CSMD3: variants seen among roughly 807,000 people sequenced by gnomAD.
The protein encoded by CSMD3 is CUB and sushi domain-containing protein 3.
In CSMD3, 177 loss-of-function variants were observed where a neutral mutation model predicts 435.2. The observed-to-expected ratio is 0.41, with a 90% CI of 0.36 to 0.46. CSMD3 has a LOEUF of 0.46. Among genes scored for constraint, CSMD3 ranks in the 20% least tolerant of loss-of-function variants. The pLI, the probability that CSMD3 is intolerant of heterozygous loss-of-function variation, is 0.34. For missense variants in CSMD3, 4,265 were observed against 4,504.6 expected (o/e 0.95, Z 1.52); for synonymous variants, 1,656 against 1,520.5 (o/e 1.09, Z -2.07).
At chr8:112,835,737 T>A (rs1308292008) in intron 11 of CSMD3, among the ~76,000 whole-genome samples, 3 of 151,900 alleles carry the variant, frequency 2.0e-5, no homozygotes, top group Non-Finnish European at 4.4e-5. Flanking sequence ...GGTTGTAATA[T>A]GTAGTGGCAC....
intron 27 of CSMD3, among the ~76,000 whole-genome samples, chr8:112,522,143 T>G (rs1824355414): frequency 1.3e-5 from 2 of 151,794 alleles, no homozygotes; most frequent in Non-Finnish European, 3.0e-5. Flanking sequence ...ATTTTTACTT[T>G]CAAAATAGAA....
chr8:112,948,760 A>T (rs2130802744), intron 8 of CSMD3, among the ~76,000 whole-genome samples: 1 of 152,096 alleles, frequency 6.6e-6, no homozygotes, highest in East Asian at 1.9e-4. Context: ...GAGAAAAAAA[A>T]TCTAAACCAT....
Position 112,794,223 on chromosome 8 carries a change from A to C in CSMD3, c.1972+5939T>G, listed in dbSNP as rs536476968. ...AATCACCCTTAGAATTTACCACCTT[A>C]GAAAAAATATTTTCTTTTACCCAGA... On this transcript the variant is annotated intron_variant, in intron 13 of 70. Transcript: ENST00000297405. 8.4e-4 allele frequency among the ~76,000 whole-genome samples: 128 copies of C among 151,828 alleles called. 1 individual carries two copies. Among genetic ancestry groups the C allele is most frequent in the Non-Finnish European group, 4.1e-4 (28 of 67,924 alleles).
chr8:112,560,226 G>T (rs1828496569), intron 24 of CSMD3, among the ~76,000 whole-genome samples: 1 of 151,734 alleles, frequency 6.6e-6, no homozygotes, highest in South Asian at 2.1e-4. Flanking sequence ...AACATTAGGA[G>T]TCTTTCCTAG....
chr8:112,625,127 AT>A (rs919491383), intron 22 of CSMD3, among the ~76,000 whole-genome samples: 2 of 151,976 alleles, frequency 1.3e-5, no homozygotes, highest in African/African-American at 4.8e-5. Context: ...ACATGTTAAT[AT>A]TTTTTTCCAA....
intron 38 of CSMD3, among the ~76,000 whole-genome samples, chr8:112,354,084 A>T (rs887156453): frequency 1.6e-4 from 25 of 152,222 alleles, no homozygotes; most frequent in African/African-American, 5.5e-4. Flanking sequence ...AAATAGAATT[A>T]AAAATAAAAG....
intron 44 of CSMD3, 57 bp downstream of exon 44, chr8:112,336,595 A>C: frequency 2.3e-6 from 3 of 1,326,424 alleles, no homozygotes; most frequent in Non-Finnish European, 3.3e-6. Context: ...TTTTTATTCC[A>C]ACCTTGTTTT....
chr8:112,390,596 T>G, intron 36 of CSMD3, 68 bp downstream of exon 36: 4 of 1,294,266 alleles, frequency 3.1e-6, no homozygotes, highest in Non-Finnish European at 4.5e-6. Flanking sequence ...ATAATGTTCA[T>G]TCTGTCATCT....
intron 11 of CSMD3, among the ~76,000 whole-genome samples, chr8:112,835,389 A>G (rs1445488318): frequency 6.6e-6 from 1 of 151,918 alleles, no homozygotes; most frequent in African/African-American, 2.4e-5. Flanking sequence ...ACATATTTAT[A>G]TTATGTAAAA....
At chr8:113,278,753 GA>G in intron 2 of CSMD3, 49 bp from the exon 3 acceptor site, 1 of 866,592 alleles carries the variant, frequency 1.2e-6, no homozygotes, top group Non-Finnish European at 2.0e-6. Flanking sequence ...TTTTATCTAA[GA>G]GTTTTTAAGA....
At chr8:113,068,553 T>G (rs2088962393) in intron 5 of CSMD3, among the ~76,000 whole-genome samples, 1 of 152,124 alleles carries the variant, frequency 6.6e-6, no homozygotes. Flanking sequence ...CCAACAATCA[T>G]CTTTGTGTAC....
At chr8:112,718,503 G>GTGTATATATATGTATATATATA (rs2076783743) in intron 13 of CSMD3, among the ~76,000 whole-genome samples, 1 of 148,010 alleles carries the variant, frequency 6.8e-6, no homozygotes, top group Non-Finnish European at 1.5e-5. Context: ...GCCTATGTGT[G>GTGTATATATATGTATATATATA]TGTATATATA....
rs1225355748 is a variant in CSMD3 at position 113,194,315 on chromosome 8, T to C, written c.515-20399A>G. Among the ~76,000 whole-genome samples the C allele has an allele frequency of 4.6e-5, 7 of 151,316 alleles. No homozygotes were observed. The South Asian group carries it at 1.0e-3, about 22-fold the overall frequency. ...GTAATACCATGTATTTCTGAAATGA[T>C]TGATCAATTGATTTGTTTCAATTGT... is the stretch of plus-strand genomic sequence containing the variant. On this transcript the variant is annotated intron_variant, in intron 3 of 70. Transcript: ENST00000297405.
At chr8:112,869,479 TTCC>T (rs1301093334) in intron 10 of CSMD3, among the ~76,000 whole-genome samples, 3 of 152,170 alleles carry the variant, frequency 2.0e-5, no homozygotes, top group African/African-American at 7.2e-5. Flanking sequence ...AGTGTGGTGT[TTCC>T]TCAAGGATCT....
intron 32 of CSMD3, among the ~76,000 whole-genome samples, chr8:112,441,856 C>A (rs897832714): frequency 2.9e-4 from 44 of 152,286 alleles, no homozygotes; most frequent in African/African-American, 1.1e-3. Context: ...CCTCTACCAA[C>A]CTGTGGGTAT....
chr8:113,380,646 T>C (rs1285287998), intron 1 of CSMD3, among the ~76,000 whole-genome samples: 1 of 152,112 alleles, frequency 6.6e-6, no homozygotes, highest in Non-Finnish European at 1.5e-5. Flanking sequence ...GCTTGAACAA[T>C]AACCTTCCAT....
intron 4 of CSMD3, among the ~76,000 whole-genome samples, chr8:113,138,699 T>A (rs2091475862): frequency 6.6e-6 from 1 of 151,240 alleles, no homozygotes. Flanking sequence ...GAAGACATTT[T>A]ACTGTGAGAG....
chr8:113,234,310 T>C (rs6990249), intron 3 of CSMD3, among the ~76,000 whole-genome samples: 3,236 of 152,158 alleles, frequency 0.021, 132 homozygotes, highest in African/African-American at 0.074. Flanking sequence ...GTTTGTCTCA[T>C]ATAGAATTTA....
At chr8:112,581,604 G>C (rs1830340087) in intron 23 of CSMD3, among the ~76,000 whole-genome samples, 2 of 151,990 alleles carry the variant, frequency 1.3e-5, no homozygotes, top group African/African-American at 4.8e-5. Flanking sequence ...AAATTATATA[G>C]TAAATTTGTC....
Sources: allele counts gnomAD v4.1 joint callset (sites outside exome capture counted in the v4.1 genomes callset), GRCh38; gene constraint gnomAD v4.1.1; transcripts MANE v1.5; gene names NCBI Gene and HGNC (gene_info 2026-07-23, HGNC 2026-07-21).